USP53: variants seen among roughly 807,000 people sequenced by gnomAD.
USP53 encodes the protein ubiquitin specific peptidase 53, also known as ubiquitin carboxyl-terminal hydrolase 53.
USP53 carries 71 observed loss-of-function variants against 94.9 expected under a neutral mutation model. The observed-to-expected ratio is 0.75, with a 90% CI of 0.62 to 0.91. The LOEUF (loss-of-function observed/expected upper bound fraction) is 0.91. Among genes scored for constraint, USP53 ranks in the 40% least tolerant of loss-of-function variants. USP53 has a pLI of 0.00. For missense variants in USP53, 1,173 were observed against 1,281.0 expected (o/e 0.92, Z 1.29); for synonymous variants, 375 against 422.7 (o/e 0.89, Z 1.39).
intron 3 of USP53, among the ~76,000 whole-genome samples, chr4:119,227,601 A>G (rs1745481912): frequency 1.3e-5 from 2 of 152,256 alleles, no homozygotes; most frequent in African/African-American, 4.8e-5. Context: ...ACTGCACTCC[A>G]GCTTGGGAGA....
intron 3 of USP53, among the ~76,000 whole-genome samples, chr4:119,228,572 T>A (rs1343295595): frequency 6.6e-6 from 1 of 152,196 alleles, no homozygotes; most frequent in Non-Finnish European, 1.5e-5. Context: ...GTGGGTGCAC[T>A]GTGGTAGAAT....
chr4:119,239,819 TG>T lies in USP53; in HGVS notation c.62del (p.Gly21GlufsTer6), dbSNP rs1270191876. Reference sequence around the variant, plus strand: ...GCAATCTTGGAAAAGTTTATCAGCCTGGAAGTATGCTATCACTAGCCCCTAC... The same window carrying T: ...GCAATCTTGGAAAAGTTTATCAGCCTGAAGTATGCTATCACTAGCCCCTAC... ...GGNLGKVYQP[G>X]SMLSLAPTKG... is the part of the protein sequence containing the mutation. On this transcript the variant is annotated frameshift_variant, in exon 5 of 19. Transcript: ENST00000692078. LOFTEE classifies it high-confidence loss of function. The T allele has an allele frequency of 6.2e-7, 1 of 1,612,688 alleles. No individual in the cohort carries two copies. Among genetic ancestry groups the T allele is most frequent in the Non-Finnish European group, 8.5e-7 (1 of 1,179,520 alleles).
chr4:119,267,217 C>G, intron 12 of USP53, 103 bp from the exon 13 acceptor site: 1 of 1,112,028 alleles, frequency 9.0e-7, no homozygotes, highest in Non-Finnish European at 1.2e-6. Context: ...AGCTGCATAT[C>G]TAAATTTTTT....
At chr4:119,272,837 AT>A (rs1176574679) in intron 16 of USP53, 3 of 152,236 alleles carry the variant, frequency 2.0e-5, no homozygotes, top group Non-Finnish European at 2.9e-5. Context: ...TATAAAAAAA[AT>A]CAGCCAAATA....
At chr4:119,213,457 T>C (rs1373891500) in intron 1 of USP53, among the ~76,000 whole-genome samples, 1 of 151,886 alleles carries the variant, frequency 6.6e-6, no homozygotes, top group African/African-American at 2.4e-5. Context: ...AAACTATTTT[T>C]AAACAGTGTT....
intron 17 of USP53, among the ~76,000 whole-genome samples, chr4:119,274,831 A>C (rs1245824797): frequency 4.3e-4 from 59 of 137,726 alleles, no homozygotes; most frequent in Admixed American, 8.2e-4. Context: ...TTTGATTTGC[A>C]TTTCTCTGAT....
chr4:119,237,777 GTTATC>G (rs1746986972), intron 4 of USP53, among the ~76,000 whole-genome samples: 1 of 152,142 alleles, frequency 6.6e-6, no homozygotes, highest in Admixed American at 6.5e-5. Context: ...ACTTTCATTA[GTTATC>G]TTAGCTAGAT....
chr4:119,241,148 C>T (rs1747473670), intron 5 of USP53, among the ~76,000 whole-genome samples: 1 of 152,058 alleles, frequency 6.6e-6, no homozygotes, highest in Non-Finnish European at 1.5e-5. Flanking sequence ...ATGTATAGTT[C>T]AGAGAAACAA....
intron 17 of USP53, among the ~76,000 whole-genome samples, chr4:119,279,744 G>A (rs560064192): frequency 3.7e-4 from 57 of 152,234 alleles, no homozygotes; most frequent in East Asian, 1.4e-3. Context: ...TGTGCTAGCA[G>A]TCAGCGAGAT....
Position 119,239,766 on chromosome 4 carries a change from T to C in USP53, c.7T>C (p.Trp3Arg), listed in dbSNP as rs777150385. MA[W>R]VKFLRKPGGN... The stretch of plus-strand genomic sequence containing the variant: ...CAAACAAAGTTGCTTGAAAATGGCA[T>C]GGGTAAAATTCTTACGGAAACCTGG... The change falls in exon 5 of 19, where the codon TGG (tryptophan) becomes CGG (arginine). Residue 3 changes from tryptophan to arginine, a missense_variant. Trp to Arg is a moderately radical substitution (Grantham distance 101, BLOSUM62 -3). Transcript: ENST00000692078. 5.6e-6 allele frequency: 9 copies of C among 1,609,224 alleles called. No homozygotes were observed. In the South Asian group the frequency reaches 1.0e-4, roughly 18 times the overall value.
At chr4:119,273,811 A>G (rs1752187433) in intron 17 of USP53, 103 bp downstream of exon 17, 1 of 893,486 alleles carries the variant, frequency 1.1e-6, no homozygotes, top group Non-Finnish European at 1.7e-6. Context: ...TGACTATAAA[A>G]ATTATTTTTA....
chr4:119,286,390 T>G (rs550469963), intron 17 of USP53, among the ~76,000 whole-genome samples: 1 of 151,924 alleles, frequency 6.6e-6, no homozygotes, highest in East Asian at 1.9e-4. Context: ...TGTCAAAGCG[T>G]TAAAATTGGA....
intron 4 of USP53, among the ~76,000 whole-genome samples, chr4:119,238,449 G>A (rs922141722): frequency 6.6e-6 from 1 of 152,094 alleles, no homozygotes; most frequent in Non-Finnish European, 1.5e-5. Context: ...TATGGGAGTG[G>A]TTCATATTGC....
Position 119,271,746 on chromosome 4 carries a change from C to A in USP53, c.1886C>A (p.Pro629Gln). 2 of 1,613,682 alleles carry A rather than the reference C, an allele frequency of 1.2e-6. No homozygotes were observed. Among genetic ancestry groups the A allele is most frequent in the Non-Finnish European group, 1.7e-6 (2 of 1,179,968 alleles). The change falls in exon 16 of 19, where the codon CCA becomes CAA. Residue 629 changes from proline (P) to glutamine (Q), a missense_variant. Physicochemically the swap from Pro to Gln is moderately conservative, Grantham distance 76. Coordinates refer to ENST00000692078, the MANE Select transcript of USP53 (RefSeq NM_001371395.1). The stretch of plus-strand genomic sequence containing the variant: ...AAGGATCCGAGTTTTAGTAATTGGC[C>A]AAAAGAGAATCCAAAGCAAAAAGGT... ...SSKDPSFSNW[P>Q]KENPKQKGLM...
intron 3 of USP53, among the ~76,000 whole-genome samples, chr4:119,226,631 A>G (rs564869443): frequency 1.3e-5 from 2 of 152,330 alleles, no homozygotes; most frequent in Admixed American, 1.3e-4. Context: ...GTAGAAAGAC[A>G]TAATATTCCT....
intron 3 of USP53, chr4:119,219,059 C>CTAAATTTCTTTA (rs1306443914): frequency 1.3e-5 from 2 of 152,052 alleles, no homozygotes; most frequent in African/African-American, 4.8e-5. Flanking sequence ...TGTAGTATTT[C>CTAAATTTCTTTA]TGTGGTATTT....
rs372602461 is a variant in USP53, at chr4:119,269,833, T to C, written c.1431T>C (p.His477=). 2.7e-6 allele frequency: 4 copies of C among 1,457,694 alleles called. No homozygotes were observed. Among genetic ancestry groups the C allele is most frequent in the Non-Finnish European group, 3.6e-6 (4 of 1,105,486 alleles). The allele number at this position is 1,457,694 out of a possible 1,614,324, so 90.3% of individuals were successfully genotyped here. The change falls in exon 15 of 19, where the codon CAT becomes CAC. Residue 477 remains histidine (H), a synonymous_variant. Transcript: ENST00000692078. ...GACAAAGAAAAGATTTAGGACGACATAGAGGTAAGTTAAGATCTTGTACTA... is the reference window on the plus strand; with the variant it reads ...GACAAAGAAAAGATTTAGGACGACACAGAGGTAAGTTAAGATCTTGTACTA... The part of the protein sequence containing the change: ...EKGQRKDLGR[H]RDLVDEDLSH...
chr4:119,275,560 A>T lies in USP53; in HGVS notation c.2251+1852A>T, dbSNP rs1752510393. Among the ~76,000 whole-genome samples, 4 of 149,734 alleles carry T rather than the reference A, an allele frequency of 2.7e-5. No homozygotes were observed. The South Asian group carries it at 6.4e-4, about 24-fold the overall frequency. On this transcript the variant is annotated intron_variant, in intron 17 of 18. Transcript: ENST00000692078. ...GCCTCCAGCTTTGTTCTTTTGGCTT[A>T]GGATTGACTTGGCGATGCGGGCTCT...
intron 3 of USP53, among the ~76,000 whole-genome samples, chr4:119,227,557 G>A (rs1454636946): frequency 6.6e-6 from 1 of 152,204 alleles, no homozygotes; most frequent in Non-Finnish European, 1.5e-5. Context: ...CGTAAACCCG[G>A]GAGGCGGAGC....
Sources: gnomAD v4.1 joint callset for allele counts (sites outside exome capture counted in the v4.1 genomes callset) on GRCh38, gnomAD v4.1.1 for gene constraint, MANE v1.5 for transcripts, NCBI Gene and HGNC (gene_info 2026-07-23, HGNC 2026-07-21) for gene names.